Variants in DIS3L observed in about 807,000 individuals in gnomAD.
The protein encoded by DIS3L is DIS3-like exonuclease 1.
Under a neutral mutation model 120.3 loss-of-function variants are expected in DIS3L, and 100 were observed. The ratio of observed to expected loss-of-function variants is 0.83; its 90% confidence interval spans 0.71 to 0.98. The LOEUF (loss-of-function observed/expected upper bound fraction) is 0.98, where lower values mean the gene tolerates loss of function less well. Ranked by LOEUF, DIS3L falls within the 50% of genes least tolerant of loss-of-function variation. DIS3L has a pLI of 0.00. For synonymous variants in DIS3L, 426 were observed against 470.6 expected (o/e 0.91, Z 1.23); for missense variants, 1,196 against 1,314.2 (o/e 0.91, Z 1.39).
chr15:66,293,317 C>G (rs868833814), upstream of DIS3L: 12 of 334,156 alleles, frequency 3.6e-5, no homozygotes, highest in Middle Eastern at 2.1e-3. Context: ...GCGCCCAGCC[C>G]TTCTTCACCT....
intron 4 of DIS3L, 63 bp downstream of exon 4, chr15:66,308,907 G>T (rs2140347604): frequency 1.3e-6 from 2 of 1,517,262 alleles, no homozygotes; most frequent in Non-Finnish European, 8.9e-7. Flanking sequence ...TAAGGCTCTA[G>T]ATCCCTTTGG....
intron 11 of DIS3L, among the ~76,000 whole-genome samples, chr15:66,324,767 A>G (rs563617070): frequency 3.3e-5 from 5 of 152,046 alleles, no homozygotes; most frequent in Admixed American, 6.6e-5. Flanking sequence ...ATTTTTTCGT[A>G]TGTTTGTCAC....
chr15:66,293,713 G>C lies in DIS3L; in HGVS notation c.117G>C (p.Pro39=). The C allele has an allele frequency of 7.6e-7, 1 of 1,323,156 alleles. No individual in the cohort carries two copies. Among genetic ancestry groups the C allele is most frequent in the Non-Finnish European group, 9.7e-7 (1 of 1,031,110 alleles). 82.0% of individuals were successfully genotyped at this position (1,323,156 alleles called of 1,614,324 possible). A position where few individuals can be genotyped will look rare whatever the true frequency, so the allele number is the denominator to read the frequency against. The change falls in exon 1 of 17, where the codon CCG becomes CCC. Residue 39 remains proline (P), a synonymous_variant. Transcript: ENST00000319212. The part of the protein sequence containing the change: ...PCVPCHSPLC[P]QPAACSHDGK... ...TGCCCTGCCACAGCCCGCTCTGCCCGCAGCCCGCCGCCTGCAGCCACGGTC... is the reference window on the plus strand; with the variant it reads ...TGCCCTGCCACAGCCCGCTCTGCCCCCAGCCCGCCGCCTGCAGCCACGGTC...
rs974594183 is a variant in DIS3L, at chr15:66,318,372, T to C, written c.995-77T>C. On this transcript the variant is annotated intron_variant, in intron 7 of 16. Coordinates refer to ENST00000319212, the MANE Select transcript of DIS3L (RefSeq NM_001143688.3). ...ACACTGTATTTCTTGTTCTTTTCCT[T>C]ACTGCTTGAGGTGGTCAGAGTCCAG... 4.7e-6 allele frequency: 7 copies of C among 1,479,094 alleles called. No individual in the cohort carries two copies. The African/African-American group carries it at 7.1e-5, about 15-fold the overall frequency. The allele number at this position is 1,479,094 out of a possible 1,614,324, so 91.6% of individuals were successfully genotyped here. A position where few individuals can be genotyped will look rare whatever the true frequency, so the allele number is the denominator to read the frequency against.
Position 66,322,873 on chromosome 15 carries a change from A to G in DIS3L, c.1513A>G (p.Ile505Val), listed in dbSNP as rs1222749593. The G allele has an allele frequency of 8.1e-6, 13 of 1,614,224 alleles. No homozygotes were observed. The highest frequency in any genetic ancestry group is 1.7e-5 in the Admixed American group (1 of 60,012). Residue 505 changes from isoleucine to valine, a missense_variant, in exon 10 of 17, where the codon ATC becomes GTC. Coordinates refer to ENST00000319212, the MANE Select transcript of DIS3L (RefSeq NM_001143688.3). ...NNGNLELGVH[I>V]ADVTHFVAPN... Reference sequence around the variant, plus strand: ...TGGCAACCTGGAACTTGGGGTCCACATCGCAGATGTAACACACTTTGTGGC... The same window carrying G: ...TGGCAACCTGGAACTTGGGGTCCACGTCGCAGATGTAACACACTTTGTGGC...
chr15:66,329,505 C>T (rs754220828), intron 14 of DIS3L, 106 bp downstream of exon 14: 22 of 1,381,386 alleles, frequency 1.6e-5, no homozygotes, highest in Non-Finnish European at 2.0e-5. Context: ...AAATTAAATT[C>T]TAGAATTATT....
intron 3 of DIS3L, 36 bp from the exon 4 acceptor site, chr15:66,308,673 G>T (rs1278500346): frequency 1.9e-6 from 3 of 1,591,158 alleles, no homozygotes; most frequent in Non-Finnish European, 1.7e-6. Flanking sequence ...GTGTTTGTCT[G>T]CCTGGGGAGA....
At position 66,329,605 on chromosome 15, in the gene DIS3L, T is replaced by C. The variant is rs942547088; in HGVS notation, c.2535+206T>C. The C allele has an allele frequency of 2.1e-5, 27 of 1,271,244 alleles. No individual in the cohort carries two copies. The African/African-American group carries it at 3.1e-4, about 14-fold the overall frequency. 78.7% of individuals were successfully genotyped at this position (1,271,244 alleles called of 1,614,324 possible). A position where few individuals can be genotyped will look rare whatever the true frequency, so the allele number is the denominator to read the frequency against. On this transcript the variant is annotated intron_variant, in intron 14 of 16. Transcript: ENST00000319212. ...CGGTAGATTATCAGATTTTTTTTTT[T>C]CCGAAAGGTGGAAATGTAAAGATTC...
chr15:66,315,910 G>A (rs873166), intron 7 of DIS3L, among the ~76,000 whole-genome samples: 1 of 152,002 alleles, frequency 6.6e-6, no homozygotes, highest in Non-Finnish European at 1.5e-5. Flanking sequence ...TTTGGCAGGG[G>A]CCCTCTGCCT....
chr15:66,331,971 G>T lies in DIS3L; in HGVS notation c.2632G>T (p.Gly878Ter). 5.0e-6 allele frequency: 8 copies of T among 1,612,734 alleles called. No individual in the cohort carries two copies. Among genetic ancestry groups the T allele is most frequent in the Non-Finnish European group, 6.8e-6 (8 of 1,179,570 alleles). ...CACCGAGGAGCGTTGCATATCTGAC[G>T]GAGTTATTTATTCAATTAGAACAAA... ...PATEERCISD[G>*]VIYSIRTNGV... The change falls in exon 15 of 17, where the codon GGA becomes TGA. Residue 878 changes from glycine (G) to a stop codon, truncating the protein, a stop_gained. Transcript: ENST00000319212. LOFTEE classifies it high-confidence loss of function.
intron 1 of DIS3L, 88 bp downstream of exon 1, chr15:66,293,823 A>G: frequency 9.5e-7 from 1 of 1,049,982 alleles, no homozygotes; most frequent in Non-Finnish European, 1.1e-6. Flanking sequence ...GCGGAGCGCC[A>G]GCGGCGGGGA....
chr15:66,329,472 C>T (rs1384160948), intron 14 of DIS3L, 73 bp downstream of exon 14: 8 of 1,474,144 alleles, frequency 5.4e-6, no homozygotes, highest in South Asian at 4.3e-5. Flanking sequence ...TGTGTAGTAC[C>T]GTGAAGTATC....
chr15:66,313,050 C>A (rs2092778257), intron 5 of DIS3L, among the ~76,000 whole-genome samples: 1 of 151,912 alleles, frequency 6.6e-6, no homozygotes, highest in African/African-American at 2.4e-5. Flanking sequence ...GGATGGAGTG[C>A]AGTGGTGCAA....
rs1023781359 is a variant in DIS3L at position 66,329,328 on chromosome 15, G to A, written c.2464G>A (p.Glu822Lys). Residue 822 changes from glutamate (E) to lysine (K), a missense_variant, in exon 14 of 17, where the codon GAA (glutamate) becomes AAA (lysine). Glu to Lys is a moderately conservative substitution (Grantham distance 56). Coordinates refer to ENST00000319212, the MANE Select transcript of DIS3L (RefSeq NM_001143688.3). ...AGCCATTTCAAAAGATAAGAAAATG[G>A]AAATTAAGGGAAATCTGTTCAGCAA... is the stretch of plus-strand genomic sequence containing the variant. ...MAAISKDKKM[E>K]IKGNLFSNKD... is the part of the protein sequence containing the mutation. 1.2e-6 allele frequency: 2 copies of A among 1,614,026 alleles called. No homozygotes were observed. The highest frequency in any genetic ancestry group is 4.5e-5 in the East Asian group (2 of 44,850).
chr15:66,293,957 C>T (rs1251452223), intron 1 of DIS3L: 13 of 994,542 alleles, frequency 1.3e-5, no homozygotes, highest in Non-Finnish European at 1.6e-5. Flanking sequence ...CTTACTGCTC[C>T]GCCCTGTCCA....
chr15:66,326,487 C>T, intron 12 of DIS3L, 123 bp downstream of exon 12: 1 of 1,123,414 alleles, frequency 8.9e-7, no homozygotes, highest in Non-Finnish European at 1.2e-6. Context: ...ATTCTTGGCT[C>T]TCCTCATTTT....
intron 4 of DIS3L, 149 bp downstream of exon 4, chr15:66,308,993 C>T: frequency 1.3e-6 from 1 of 743,040 alleles, no homozygotes; most frequent in East Asian, 3.4e-5. Context: ...GCCTGTAATC[C>T]CAGCACTTGG....
At chr15:66,307,347 AG>A (rs2092712486) in intron 3 of DIS3L, among the ~76,000 whole-genome samples, 1 of 151,308 alleles carries the variant, frequency 6.6e-6, no homozygotes, top group African/African-American at 2.4e-5. Context: ...CCCAGGCTGG[AG>A]TGCAGTGGTA....
intron 1 of DIS3L, chr15:66,294,125 G>A: frequency 2.0e-6 from 2 of 985,652 alleles, no homozygotes; most frequent in South Asian, 4.7e-5. Flanking sequence ...GGGAGCTACA[G>A]GCCAGCTGCT....
Sources: gnomAD v4.1 joint callset for allele counts (sites outside exome capture counted in the v4.1 genomes callset) on GRCh38, gnomAD v4.1.1 for gene constraint, MANE v1.5 for transcripts, NCBI Gene and HGNC (gene_info 2026-07-23, HGNC 2026-07-21) for gene names.